Variants in CFAP46 observed in about 807,000 individuals in gnomAD.
The protein encoded by CFAP46 is cilia and flagella associated protein 46, also known as cilia- and flagella-associated protein 46.
Under a neutral mutation model 325.7 loss-of-function variants are expected in CFAP46, and 245 were observed. That is an observed-to-expected ratio of 0.75 (90% CI 0.68 to 0.84). The LOEUF (loss-of-function observed/expected upper bound fraction) is 0.84. Ranked by LOEUF, CFAP46 falls within the 40% of genes least tolerant of loss-of-function variation. CFAP46 has a pLI of 0.00. For synonymous variants in CFAP46, 1,523 were observed against 1,495.9 expected (o/e 1.02, Z -0.42); for missense variants, 3,346 against 3,543.0 (o/e 0.94, Z 1.41).
At position 132,847,420 on chromosome 10, in the gene CFAP46, G is replaced by A. The variant is rs1464134818; in HGVS notation, c.5953-99C>T. ...GAGGCCGGGGTGGTCGGGCTCCTCA[G>A]CAGGGTCCCCGGGTAGGGGGTACCG... On this transcript the variant is annotated intron_variant, in intron 41 of 57. Transcript: ENST00000368586. The surrounding 1 kb of genome is among the most constrained non-coding windows in gnomAD (Gnocchi z 5.2). 7 of 1,460,644 alleles carry A rather than the reference G, an allele frequency of 4.8e-6. No individual in the cohort carries two copies. Among genetic ancestry groups the A allele is most frequent in the Non-Finnish European group, 6.6e-6 (7 of 1,062,200 alleles). The allele number at this position is 1,460,644 out of a possible 1,614,324, so 90.5% of individuals were successfully genotyped here.
chr10:132,834,558 A>T, intron 48 of CFAP46, 96 bp downstream of exon 48: 1 of 1,518,926 alleles, frequency 6.6e-7, no homozygotes. Context: ...GGCGGCCGAG[A>T]AGGCACAGCA....
chr10:132,918,695 G>A (rs1322683926), intron 15 of CFAP46, among the ~76,000 whole-genome samples, 175 bp from the exon 16 acceptor site: 2 of 152,200 alleles, frequency 1.3e-5, no homozygotes, highest in Non-Finnish European at 2.9e-5. Context: ...GGCTGGAGGA[G>A]CTCTCCGTGG....
At chr10:132,909,507 G>A (rs1327247503) in intron 20 of CFAP46, among the ~76,000 whole-genome samples, 2 of 152,216 alleles carry the variant, frequency 1.3e-5, no homozygotes, top group East Asian at 3.9e-4. Flanking sequence ...GGAAGGACCA[G>A]TGGGCCTGAC....
intron 50 of CFAP46, among the ~76,000 whole-genome samples, chr10:132,816,154 T>G (rs1019693272): frequency 3.9e-5 from 6 of 152,014 alleles, no homozygotes; most frequent in Admixed American, 1.3e-4. Flanking sequence ...GATTCAAAGT[T>G]GCTCGGGGAC....
At chr10:132,824,027 AGTGCTGATGT>A (rs1345261650) in intron 50 of CFAP46, among the ~76,000 whole-genome samples, 10 of 69,316 alleles carry the variant, frequency 1.4e-4, no homozygotes, top group East Asian at 1.3e-3. Context: ...GTGCTGTGTG[AGTGCTGATGT>A]GTGCTGATGT....
intron 13 of CFAP46, among the ~76,000 whole-genome samples, chr10:132,921,271 G>A (rs1849718893): frequency 1.3e-5 from 2 of 152,198 alleles, no homozygotes; most frequent in African/African-American, 4.8e-5. Flanking sequence ...GACCCTCAGG[G>A]GACCAGCGGG....
chr10:132,936,083 A>C, intron 7 of CFAP46, among the ~76,000 whole-genome samples: 1 of 62,080 alleles, frequency 1.6e-5, no homozygotes, highest in African/African-American at 8.8e-5. Context: ...TCCCCTCGGC[A>C]TCCAAACACA....
chr10:132,935,290 TGAGCACCCAAACACACTG>T (rs1849975643), intron 7 of CFAP46, among the ~76,000 whole-genome samples: 2 of 140,970 alleles, frequency 1.4e-5, no homozygotes, highest in African/African-American at 3.0e-5. Flanking sequence ...CTCACTCCCC[TGAGCACCCAAACACACTG>T]CGATCTTCTC....
At chr10:132,923,455 G>A (rs1182777649) in intron 11 of CFAP46, among the ~76,000 whole-genome samples, 3 of 146,382 alleles carry the variant, frequency 2.0e-5, no homozygotes, top group African/African-American at 5.1e-5. Flanking sequence ...TGGACCCCCT[G>A]GCCTTGAGCA....
intron 50 of CFAP46, among the ~76,000 whole-genome samples, chr10:132,825,308 G>A (rs958802062): frequency 3.3e-5 from 5 of 152,066 alleles, no homozygotes; most frequent in Non-Finnish European, 7.4e-5. Flanking sequence ...GTGTACTGAT[G>A]TGTGCCGTGT....
At chr10:132,814,388 A>G in intron 53 of CFAP46, 134 bp from the exon 54 acceptor site, 1 of 1,037,004 alleles carries the variant, frequency 9.6e-7, no homozygotes, top group South Asian at 1.5e-5. Flanking sequence ...GGGTGGGGTG[A>G]TGGTAGAACC....
intron 19 of CFAP46, among the ~76,000 whole-genome samples, chr10:132,910,910 T>A (rs568239363): frequency 8.6e-4 from 131 of 152,342 alleles, no homozygotes; most frequent in Non-Finnish European, 1.4e-3. Context: ...CGTGCGGTTG[T>A]GCACATGCCC....
At chr10:132,838,783 G>C (rs113813448) in intron 44 of CFAP46, among the ~76,000 whole-genome samples, 26 of 152,384 alleles carry the variant, frequency 1.7e-4, no homozygotes, top group African/African-American at 6.3e-4. Context: ...GATTCTGCCA[G>C]AACCCTGCCC....
intron 23 of CFAP46, 145 bp from the exon 24 acceptor site, chr10:132,899,266 C>T: frequency 9.7e-7 from 1 of 1,033,640 alleles, no homozygotes; most frequent in Non-Finnish European, 1.4e-6. Flanking sequence ...GGAGTCCCTG[C>T]TGCATCCTTT....
Position 132,832,396 on chromosome 10 carries a change from C to CG in CFAP46, c.7117+961_7117+962insC, listed in dbSNP as rs909188755. ...ACCCCTGGGCTCTTCCTGCCCCCCCCCCCCAATGCTGTGGCCTGGAAATTC... is the reference window on the plus strand; with the variant it reads ...ACCCCTGGGCTCTTCCTGCCCCCCCCGCCCCAATGCTGTGGCCTGGAAATTC... On this transcript the variant is annotated intron_variant, in intron 50 of 57. Transcript: ENST00000368586. This position sits in a 1 kb window ranked among gnomAD's most constrained non-coding sequence, Gnocchi z 4.1. Among the ~76,000 whole-genome samples the CG allele has an allele frequency of 8.4e-5, 12 of 142,204 alleles. No homozygotes were observed. Among genetic ancestry groups the CG allele is most frequent in the African/African-American group, 2.9e-4 (11 of 38,036 alleles). The allele number at this position is 142,204 out of a possible 152,430, so 93.3% of individuals were successfully genotyped here.
At chr10:132,915,930 T>G (rs1201287715) in intron 17 of CFAP46, among the ~76,000 whole-genome samples, 1 of 152,176 alleles carries the variant, frequency 6.6e-6, no homozygotes, top group Non-Finnish European at 1.5e-5. Flanking sequence ...ATTAAAAAAA[T>G]AAGTTAAAAA....
Position 132,866,190 on chromosome 10 carries a change from C to G in CFAP46, c.4744-19G>C. 6.7e-7 allele frequency: 1 copy of G among 1,496,872 alleles called. No individual in the cohort carries two copies. Among genetic ancestry groups the G allele is most frequent in the African/African-American group, 1.4e-5 (1 of 71,580 alleles). The allele number at this position is 1,496,872 out of a possible 1,614,324, so 92.7% of individuals were successfully genotyped here. On this transcript the variant is annotated intron_variant, in intron 34 of 57. Coordinates refer to ENST00000368586, the MANE Select transcript of CFAP46 (RefSeq NM_001200049.3). ...TCAAAATCTGTAAGATACCGCAGCC[C>G]CAGGCGGCACGATCCTGACACTTGT...
At chr10:132,915,010 C>T (rs11146031) in intron 17 of CFAP46, among the ~76,000 whole-genome samples, 2,874 of 152,372 alleles carry the variant, frequency 0.019, 51 homozygotes, top group Non-Finnish European at 0.025. Context: ...CTCACTCAGC[C>T]GTGTGGACGT....
intron 50 of CFAP46, among the ~76,000 whole-genome samples, chr10:132,824,578 CTG>C (rs1206692544): frequency 1.0e-5 from 1 of 96,014 alleles, no homozygotes; most frequent in Non-Finnish European, 1.9e-5. Flanking sequence ...GTGCTGTGTG[CTG>C]TGTGAGTGCT....
Sources: gnomAD v4.1 joint callset for allele counts (sites outside exome capture counted in the v4.1 genomes callset) on GRCh38, gnomAD v4.1.1 for gene constraint, Gnocchi (gnomAD v3.1) non-coding constraint, MANE v1.5 for transcripts, NCBI Gene and HGNC (gene_info 2026-07-23, HGNC 2026-07-21) for gene names.